The following XXYLT1 variants were observed in gnomAD, a reference collection of about 807,000 sequenced individuals.
XXYLT1 encodes the protein UDP-xylose:alpha-xyloside alpha-1,3-xylosyltransferase.
XXYLT1 carries 20 observed loss-of-function variants against 28.9 expected under a neutral mutation model. The observed-to-expected ratio is 0.69, with a 90% CI of 0.49 to 1.00. XXYLT1 has a LOEUF of 1.00. Among genes scored for constraint, XXYLT1 ranks in the 50% least tolerant of loss-of-function variants. The pLI, the probability that XXYLT1 is intolerant of heterozygous loss-of-function variation, is 0.00. For missense variants in XXYLT1, 542 were observed against 560.1 expected, an observed-to-expected ratio of 0.97 and a Z score of 0.33; for synonymous variants, 257 against 253.8, an observed-to-expected ratio of 1.01 and a Z score of -0.12.
chr3:195,158,128 A>C (rs1720697619), intron 2 of XXYLT1, among the ~76,000 whole-genome samples: 1 of 152,226 alleles, frequency 6.6e-6, no homozygotes. Flanking sequence ...TCAGCCTGTC[A>C]ATCATCACAT....
chr3:195,110,892 T>TGC (rs1717667460), intron 3 of XXYLT1, among the ~76,000 whole-genome samples: 1 of 15,218 alleles, frequency 6.6e-5, no homozygotes, highest in Non-Finnish European at 1.8e-4. Flanking sequence ...TGTGTGCGTG[T>TGC]GTGTGGGTGA....
chr3:195,197,970 G>C (rs73890739), intron 2 of XXYLT1, among the ~76,000 whole-genome samples: 7,817 of 152,304 alleles, frequency 0.051, 618 homozygotes, highest in African/African-American at 0.18. Context: ...GACAAGCTGA[G>C]TTCAGCTGCG....
intron 2 of XXYLT1, chr3:195,184,516 T>TA: frequency 1.5e-6 from 1 of 682,052 alleles, no homozygotes; most frequent in Non-Finnish European, 1.8e-6. Context: ...GCTGACACCA[T>TA]ACCTCAGACT....
intron 1 of XXYLT1, among the ~76,000 whole-genome samples, chr3:195,258,878 C>T (rs1030426886): frequency 2.0e-5 from 3 of 152,218 alleles, no homozygotes; most frequent in Middle Eastern, 3.2e-3. Flanking sequence ...ACGGGGACAC[C>T]GGAAATAAAC....
intron 1 of XXYLT1, among the ~76,000 whole-genome samples, chr3:195,242,311 C>T (rs1283759457): frequency 6.6e-6 from 1 of 152,286 alleles, no homozygotes; most frequent in East Asian, 1.9e-4. Context: ...CATTCCGGAG[C>T]ACAGGCCTCC....
chr3:195,143,722 C>T (rs1157577698), intron 3 of XXYLT1, among the ~76,000 whole-genome samples: 1 of 147,868 alleles, frequency 6.8e-6, no homozygotes, highest in Non-Finnish European at 1.5e-5. Flanking sequence ...GTACCTGTTG[C>T]AGTATGTTAC....
chr3:195,151,098 C>T (rs1189593392), intron 3 of XXYLT1, among the ~76,000 whole-genome samples: 1 of 152,142 alleles, frequency 6.6e-6, no homozygotes, highest in African/African-American at 2.4e-5. Context: ...CCTGGTTTCC[C>T]TGCAAGCTCC....
At chr3:195,088,024 C>T (rs952021264) in intron 3 of XXYLT1, among the ~76,000 whole-genome samples, 5 of 151,998 alleles carry the variant, frequency 3.3e-5, no homozygotes, top group Admixed American at 1.3e-4. Flanking sequence ...GCACCTGGCT[C>T]GGAGGGTCCT....
chr3:195,144,873 C>A (rs1294674870), intron 3 of XXYLT1, among the ~76,000 whole-genome samples: 1 of 152,170 alleles, frequency 6.6e-6, no homozygotes, highest in African/African-American at 2.4e-5. Flanking sequence ...CCCTCCTAAA[C>A]CCTGCCAACA....
chr3:195,259,472 G>T, intron 1 of XXYLT1: 2 of 603,356 alleles, frequency 3.3e-6, no homozygotes, highest in East Asian at 1.4e-4. Flanking sequence ...GGATGGGAAG[G>T]CTGTGAGGAA....
chr3:195,143,884 ATATATT>A (rs1577073929), intron 3 of XXYLT1, among the ~76,000 whole-genome samples: 1 of 118,830 alleles, frequency 8.4e-6, no homozygotes, highest in South Asian at 3.0e-4. Flanking sequence ...ATATATATAT[ATATATT>A]TATTTTTTAT....
At chr3:195,219,980 A>G (rs1191158576) in intron 2 of XXYLT1, among the ~76,000 whole-genome samples, 6 of 152,106 alleles carry the variant, frequency 3.9e-5, no homozygotes, top group Admixed American at 2.0e-4. Flanking sequence ...CTGGTCTTTT[A>G]TCCACTCCCA....
At chr3:195,191,508 AC>A (rs1722417517) in intron 2 of XXYLT1, among the ~76,000 whole-genome samples, 1 of 152,242 alleles carries the variant, frequency 6.6e-6, no homozygotes, top group South Asian at 2.1e-4. Context: ...TTGGTAAGGA[AC>A]CAAGTCAAAA....
rs373749046 is a variant in XXYLT1, at chr3:195,156,608, G to A, written c.653-27C>T. On this transcript the variant is annotated intron_variant, in intron 2 of 3. Transcript: ENST00000310380. ...TGCGGGAAAGAGAAAAGGACAATGA[G>A]ACACAGGTACACCTCCTGGGAGGCT... 54 of 1,613,032 alleles carry A rather than the reference G, an allele frequency of 3.3e-5. No individual in the cohort carries two copies. The African/African-American group carries it at 6.5e-4, about 20-fold the overall frequency.
rs1726012773 is a variant in XXYLT1, at chr3:195,271,071, C to G, written c.-13G>C. ...GGAGGAGGCCCATGCGCTACGAGAC[C>G]GCGGCGCCAGCGGTGCCAGCAACGC... On this transcript the variant is annotated 5_prime_UTR_variant, in exon 1 of 4. Coordinates refer to ENST00000310380, the MANE Select transcript of XXYLT1 (RefSeq NM_152531.5). The G allele has an allele frequency of 7.5e-7, 1 of 1,329,060 alleles. No homozygotes were observed. The highest frequency in any genetic ancestry group is 9.6e-7 in the Non-Finnish European group (1 of 1,043,344). The allele number at this position is 1,329,060 out of a possible 1,614,324, so 82.3% of individuals were successfully genotyped here.
intron 2 of XXYLT1, among the ~76,000 whole-genome samples, chr3:195,162,186 C>T (rs1485454882): frequency 6.6e-6 from 1 of 152,090 alleles, no homozygotes; most frequent in East Asian, 1.9e-4. Context: ...TGGTAGGGCT[C>T]GAAACCCCGT....
intron 3 of XXYLT1, among the ~76,000 whole-genome samples, chr3:195,120,290 C>CCCG (rs1473475823): frequency 2.0e-4 from 28 of 143,188 alleles, no homozygotes; most frequent in Non-Finnish European, 2.6e-4. Flanking sequence ...AGATGCCCCC[C>CCCG]CCGCCCCAGC....
chr3:195,128,048 C>T (rs2410846), intron 3 of XXYLT1, among the ~76,000 whole-genome samples: 20,324 of 152,054 alleles, frequency 0.13, 1,602 homozygotes, highest in East Asian at 0.27. Context: ...CCTGGCATGC[C>T]AGGAGCCCAG....
Position 195,107,539 on chromosome 3 carries a change from G to GGAGGAAGGGGAA in XXYLT1, c.786-37429_786-37428insTTCCCCTTCCTC, listed in dbSNP as rs1717183439. The stretch of plus-strand genomic sequence containing the variant: ...AGAAGGAGGAGGAAGGAGGAGGAGG[G>GGAGGAAGGGGAA]GGAGGAGGAGGGGGAAGAGGGGGAG... On this transcript the variant is annotated intron_variant, in intron 3 of 3. Coordinates refer to ENST00000310380, the MANE Select transcript of XXYLT1 (RefSeq NM_152531.5). 1.3e-3 allele frequency among the ~76,000 whole-genome samples: 20 copies of GGAGGAAGGGGAA among 15,338 alleles called. 3 individuals are homozygous for GGAGGAAGGGGAA. The highest frequency in any genetic ancestry group is 2.2e-3 in the East Asian group (3 of 1,338). The allele number at this position is 15,338 out of a possible 152,430, so 10.1% of individuals were successfully genotyped here.
Sources: allele counts gnomAD v4.1 joint callset (sites outside exome capture counted in the v4.1 genomes callset), GRCh38; gene constraint gnomAD v4.1.1; transcripts MANE v1.5; gene names NCBI Gene and HGNC (gene_info 2026-07-23, HGNC 2026-07-21).